The following ZMAT4 variants were observed in gnomAD, a reference collection of about 807,000 sequenced individuals.
ZMAT4 encodes zinc finger matrin-type protein 4.
ZMAT4 carries 17 observed loss-of-function variants against 28.7 expected under a neutral mutation model. That is an observed-to-expected ratio of 0.59 (90% CI 0.41 to 0.89). The LOEUF (loss-of-function observed/expected upper bound fraction) is 0.89. ZMAT4 is among the 40% of genes least tolerant of loss of function. The probability of loss-of-function intolerance (pLI) is 0.00; values close to 1 mark genes in which losing one functional copy is unlikely to be tolerated. For synonymous variants in ZMAT4, 117 were observed against 109.2 expected, an observed-to-expected ratio of 1.07 and a Z score of -0.44; for missense variants, 240 against 283.8, an observed-to-expected ratio of 0.85 and a Z score of 1.11.
At chr8:40,715,862 G>A (rs1056999688) in intron 3 of ZMAT4, among the ~76,000 whole-genome samples, 1 of 152,210 alleles carries the variant, frequency 6.6e-6, no homozygotes, top group African/African-American at 2.4e-5. Flanking sequence ...CAAACAACCT[G>A]CAACCCTGAC....
chr8:40,658,331 G>A (rs1402614889), intron 5 of ZMAT4, among the ~76,000 whole-genome samples: 1 of 152,072 alleles, frequency 6.6e-6, no homozygotes, highest in Non-Finnish European at 1.5e-5. Context: ...TGAATATTAT[G>A]AATGATACAT....
intron 1 of ZMAT4, among the ~76,000 whole-genome samples, chr8:40,857,361 T>C (rs1448725936): frequency 6.6e-6 from 1 of 151,140 alleles, no homozygotes; most frequent in Admixed American, 6.6e-5. Context: ...CAAGACCCTG[T>C]CTCTTAAAAA....
chr8:40,872,983 A>T (rs568351850), intron 1 of ZMAT4, among the ~76,000 whole-genome samples: 2 of 152,292 alleles, frequency 1.3e-5, no homozygotes, highest in South Asian at 4.2e-4. Flanking sequence ...GGCCTCCAGG[A>T]TTCTAAATAA....
At chr8:40,794,085 T>A (rs932112993) in intron 2 of ZMAT4, among the ~76,000 whole-genome samples, 1 of 147,382 alleles carries the variant, frequency 6.8e-6, no homozygotes, top group African/African-American at 2.5e-5. Flanking sequence ...AAAAGGCAAT[T>A]TTTTTAATGT....
At position 40,532,217 on chromosome 8, in the gene ZMAT4, C is replaced by T. The variant is rs1398488394; in HGVS notation, c.*6G>A. On this transcript the variant is annotated 3_prime_UTR_variant, in exon 7 of 7. Transcript: ENST00000297737. ...TTTTGTTCTTATGTCTTGATTGATG[C>T]TTTCACTACTTATTCTTCAGGCTAT... is the stretch of plus-strand genomic sequence containing the variant. 2.5e-6 allele frequency: 4 copies of T among 1,596,492 alleles called. No homozygotes were observed. The highest frequency in any genetic ancestry group is 1.1e-5 in the South Asian group (1 of 87,776).
chr8:40,779,992 C>A (rs1025341906), intron 2 of ZMAT4, among the ~76,000 whole-genome samples: 1 of 152,134 alleles, frequency 6.6e-6, no homozygotes, highest in Non-Finnish European at 1.5e-5. Flanking sequence ...TCTTCAACTG[C>A]CAGTTTTCAT....
chr8:40,537,928 C>T (rs1453214418), intron 6 of ZMAT4, among the ~76,000 whole-genome samples: 5 of 152,180 alleles, frequency 3.3e-5, no homozygotes, highest in African/African-American at 7.2e-5. Context: ...AGCAAGGGGT[C>T]TGCAAAGTGC....
chr8:40,627,029 T>C (rs1356988485), intron 5 of ZMAT4, among the ~76,000 whole-genome samples: 2 of 152,156 alleles, frequency 1.3e-5, no homozygotes, highest in Middle Eastern at 3.2e-3. Context: ...GATAATTCTG[T>C]TTGTAAAATT....
rs145711008 is a variant in ZMAT4, at chr8:40,602,561, C to A, written c.578-21300G>T. On this transcript the variant is annotated intron_variant, in intron 5 of 6. Coordinates refer to ENST00000297737, the MANE Select transcript of ZMAT4 (RefSeq NM_024645.3). ...ATTTTTTTTATTTTTTGATTATGGC[C>A]ATTCTTACAGGAGTAAAGTGATATT... 2.9e-3 allele frequency among the ~76,000 whole-genome samples: 441 copies of A among 152,182 alleles called. 4 individuals are homozygous for A. Among genetic ancestry groups the A allele is most frequent in the African/African-American group, 0.01 (416 of 41,526 alleles).
At chr8:40,658,977 G>A (rs1808061485) in intron 5 of ZMAT4, among the ~76,000 whole-genome samples, 2 of 152,112 alleles carry the variant, frequency 1.3e-5, no homozygotes, top group African/African-American at 4.8e-5. Flanking sequence ...AATATTATCA[G>A]TAGAAGGGTT....
chr8:40,895,443 G>A lies in ZMAT4; in HGVS notation c.-5+2240C>T, dbSNP rs138005817. 5.2e-3 allele frequency among the ~76,000 whole-genome samples: 795 copies of A among 152,296 alleles called. 11 individuals carry two copies. Among genetic ancestry groups the A allele is most frequent in the African/African-American group, 0.018 (760 of 41,540 alleles). On this transcript the variant is annotated intron_variant, in intron 1 of 6. Coordinates refer to ENST00000297737, the MANE Select transcript of ZMAT4 (RefSeq NM_024645.3). ...CATCCAAGGTGAAGCTGTAATGAGG[G>A]TGTTTTGCACTTTGTCAATTATTTT...
At chr8:40,720,638 C>T (rs1252680166) in intron 3 of ZMAT4, among the ~76,000 whole-genome samples, 1 of 151,272 alleles carries the variant, frequency 6.6e-6, no homozygotes, top group Non-Finnish European at 1.5e-5. Context: ...AGCAATTCTC[C>T]TGCCTCAGCC....
At chr8:40,652,151 C>A (rs79698589) in intron 5 of ZMAT4, among the ~76,000 whole-genome samples, 6,006 of 114,090 alleles carry the variant, frequency 0.053, 363 homozygotes, top group East Asian at 0.39. Flanking sequence ...AGGCAACCTA[C>A]AAAATGGGAG....
chr8:40,820,114 C>G (rs1815694369), intron 2 of ZMAT4, among the ~76,000 whole-genome samples: 1 of 151,372 alleles, frequency 6.6e-6, no homozygotes, highest in Non-Finnish European at 1.5e-5. Context: ...TACAAAAACC[C>G]ATGCATAACA....
chr8:40,885,264 C>T (rs1818414148), intron 1 of ZMAT4, among the ~76,000 whole-genome samples: 1 of 152,150 alleles, frequency 6.6e-6, no homozygotes, highest in African/African-American at 2.4e-5. Context: ...GGCCAAAAGC[C>T]TTGGAATCAT....
At chr8:40,762,991 T>G (rs1483516779) in intron 3 of ZMAT4, among the ~76,000 whole-genome samples, 1 of 152,194 alleles carries the variant, frequency 6.6e-6, no homozygotes, top group Non-Finnish European at 1.5e-5. Context: ...CAAAAGGGCC[T>G]TTTCCCACTC....
intron 3 of ZMAT4, among the ~76,000 whole-genome samples, chr8:40,714,428 C>T (rs1585925079): frequency 6.6e-6 from 1 of 152,136 alleles, no homozygotes; most frequent in South Asian, 2.1e-4. Flanking sequence ...TATATTGATA[C>T]ATTAGGAAAA....
intron 1 of ZMAT4, among the ~76,000 whole-genome samples, chr8:40,845,963 TA>T (rs1381723644): frequency 2.0e-5 from 3 of 152,226 alleles, no homozygotes; most frequent in Admixed American, 1.3e-4. Flanking sequence ...GGACTTCTCC[TA>T]ATCTGTGAAT....
At chr8:40,777,714 GA>G (rs1295914468) in intron 2 of ZMAT4, among the ~76,000 whole-genome samples, 1 of 152,134 alleles carries the variant, frequency 6.6e-6, no homozygotes, top group East Asian at 1.9e-4. Context: ...TAGTCTGTGG[GA>G]AAAAACAACG....
Sources: gnomAD v4.1 joint callset for allele counts (sites outside exome capture counted in the v4.1 genomes callset) on GRCh38, gnomAD v4.1.1 for gene constraint, MANE v1.5 for transcripts, NCBI Gene and HGNC (gene_info 2026-07-23, HGNC 2026-07-21) for gene names.